Variants in PDE5A observed in about 807,000 individuals in gnomAD.
The protein encoded by PDE5A is phosphodiesterase 5A.
Under a neutral mutation model 110.2 loss-of-function variants are expected in PDE5A, and 67 were observed. The ratio of observed to expected loss-of-function variants is 0.61; its 90% CI spans 0.50 to 0.75. PDE5A has a LOEUF of 0.75. PDE5A is among the 30% of genes least tolerant of loss of function. The pLI is 0.00. For missense variants in PDE5A, 862 were observed against 1,045.1 expected, an observed-to-expected ratio of 0.82 and a Z score of 2.42; for synonymous variants, 328 against 351.2, an observed-to-expected ratio of 0.93 and a Z score of 0.74.
intron 9 of PDE5A, 89 bp from the exon 10 acceptor site, chr4:119,542,723 C>T (rs575236623): frequency 1.2e-5 from 15 of 1,207,090 alleles, no homozygotes; most frequent in East Asian, 2.4e-5. Flanking sequence ...GATTGTCTTA[C>T]ACTTTTCTCT....
chr4:119,509,098 A>G lies in PDE5A; in HGVS notation c.2089-1394T>C, dbSNP rs977175770. ...ACAGATGTTCCTACTATAACATGAC[A>G]TATACATTCCTGAGAAATTTCAGTT... On this transcript the variant is annotated intron_variant, in intron 15 of 20. Transcript: ENST00000354960. Among the ~76,000 whole-genome samples the G allele has an allele frequency of 2.6e-5, 4 of 152,104 alleles. 1 individual carries two copies. Among genetic ancestry groups the G allele is most frequent in the Admixed American group, 2.6e-4 (4 of 15,236 alleles).
intron 2 of PDE5A, among the ~76,000 whole-genome samples, chr4:119,597,304 GTT>G (rs33944872): frequency 8.0e-4 from 116 of 144,956 alleles, no homozygotes; most frequent in Non-Finnish European, 1.4e-3. Flanking sequence ...CTCTGTGAGG[GTT>G]TTTTTTTTTT....
At chr4:119,572,056 A>G (rs1560621604) in intron 3 of PDE5A, among the ~76,000 whole-genome samples, 2 of 152,308 alleles carry the variant, frequency 1.3e-5, no homozygotes, top group South Asian at 2.1e-4. Context: ...CTGTGTTCAC[A>G]TAATTCCTTG....
intron 13 of PDE5A, among the ~76,000 whole-genome samples, 171 bp downstream of exon 13, chr4:119,520,764 G>A (rs1418705199): frequency 3.3e-5 from 5 of 152,196 alleles, no homozygotes; most frequent in South Asian, 4.1e-4. Flanking sequence ...CAACGAAGTA[G>A]TTTTGCCAGA....
At chr4:119,533,611 AT>A (rs1726620062) in intron 11 of PDE5A, among the ~76,000 whole-genome samples, 1 of 152,066 alleles carries the variant, frequency 6.6e-6, no homozygotes, top group Non-Finnish European at 1.5e-5. Context: ...GGACTAGTAT[AT>A]TTTCTTTAAT....
In PDE5A at chr4:119,497,082, C is replaced by A. The variant is rs1725103757; in HGVS notation, c.*1519G>T. On this transcript the variant is annotated 3_prime_UTR_variant, in exon 21 of 21. Coordinates refer to ENST00000354960, the MANE Select transcript of PDE5A (RefSeq NM_001083.4). ...GGGGAATCGGGACATAGATGGAAAA[C>A]ACATTTTGGCGAAAGGTCCTTGAGA... The A allele has an allele frequency of 1.3e-5, 2 of 152,024 alleles. No homozygotes were observed. The highest frequency in any genetic ancestry group is 6.6e-5 in the Admixed American group (1 of 15,240). The allele number at this position is 152,024 out of a possible 1,614,324, so 9.4% of individuals were successfully genotyped here.
At chr4:119,604,244 T>C (rs1352771055) in intron 2 of PDE5A, among the ~76,000 whole-genome samples, 1 of 152,198 alleles carries the variant, frequency 6.6e-6, no homozygotes, top group Non-Finnish European at 1.5e-5. Context: ...ATTAAATCAT[T>C]ATCAAATGCA....
intron 3 of PDE5A, among the ~76,000 whole-genome samples, chr4:119,576,550 A>G (rs891925222): frequency 6.6e-6 from 1 of 152,234 alleles, no homozygotes; most frequent in African/African-American, 2.4e-5. Context: ...AAACCGCTCA[A>G]CTACATGGAA....
At chr4:119,624,461 T>C (rs978728170) in intron 1 of PDE5A, among the ~76,000 whole-genome samples, 1 of 152,178 alleles carries the variant, frequency 6.6e-6, no homozygotes, top group African/African-American at 2.4e-5. Context: ...CCTCAATTAA[T>C]TCAGCACAGC....
chr4:119,621,326 C>T (rs1190141105), intron 1 of PDE5A, among the ~76,000 whole-genome samples: 1 of 152,150 alleles, frequency 6.6e-6, no homozygotes, highest in African/African-American at 2.4e-5. Flanking sequence ...ACCCTACTCT[C>T]CCGAATACAA....
chr4:119,621,629 G>C (rs1328719276), intron 1 of PDE5A, among the ~76,000 whole-genome samples: 1 of 114,516 alleles, frequency 8.7e-6, no homozygotes, highest in Admixed American at 1.0e-4. Context: ...AATAGAGATA[G>C]GTAGATACAT....
intron 1 of PDE5A, among the ~76,000 whole-genome samples, chr4:119,620,319 G>A (rs1015461251): frequency 6.6e-6 from 1 of 152,154 alleles, no homozygotes; most frequent in African/African-American, 2.4e-5. Context: ...GTATTTCTAA[G>A]TTTGCTCCAG....
intron 11 of PDE5A, among the ~76,000 whole-genome samples, chr4:119,533,789 T>A (rs1268217474): frequency 6.6e-6 from 1 of 152,208 alleles, no homozygotes. Flanking sequence ...GATTCTGATA[T>A]AATATGCATA....
chr4:119,613,906 A>G (rs1194478463), intron 1 of PDE5A, among the ~76,000 whole-genome samples: 2 of 152,056 alleles, frequency 1.3e-5, no homozygotes, highest in South Asian at 2.1e-4. Context: ...TTCCTATTCC[A>G]GGTACTATAC....
intron 3 of PDE5A, among the ~76,000 whole-genome samples, chr4:119,575,974 A>G (rs1368386965): frequency 6.6e-6 from 1 of 152,238 alleles, no homozygotes. Context: ...TAGGCTCAAA[A>G]TAAAGGGACG....
intron 1 of PDE5A, chr4:119,628,090 C>T (rs1192253977): frequency 2.7e-5 from 26 of 963,276 alleles, no homozygotes; most frequent in Non-Finnish European, 3.1e-5. Context: ...CGAGGGGGGA[C>T]GGGGGAGGAG....
intron 9 of PDE5A, among the ~76,000 whole-genome samples, chr4:119,546,104 T>C (rs1416090584): frequency 1.3e-5 from 2 of 152,192 alleles, no homozygotes; most frequent in African/African-American, 2.4e-5. Context: ...TTTAATCTTA[T>C]AATCCCACTT....
At chr4:119,519,527 A>G (rs35111518) in intron 13 of PDE5A, 43,372 of 164,472 alleles carry the variant, frequency 0.26, 5,767 homozygotes, top group East Asian at 0.38. Flanking sequence ...TGTGTCCTTA[A>G]GGAATGCAGA....
intron 9 of PDE5A, among the ~76,000 whole-genome samples, chr4:119,547,110 T>G (rs200974711): frequency 0.26 from 38,393 of 147,310 alleles, 4,827 homozygotes; most frequent in East Asian, 0.37. Flanking sequence ...GCAATAGTTT[T>G]TTTTTTTTTT....
Sources: gnomAD v4.1 joint callset for allele counts (sites outside exome capture counted in the v4.1 genomes callset) on GRCh38, gnomAD v4.1.1 for gene constraint, MANE v1.5 for transcripts, NCBI Gene and HGNC (gene_info 2026-07-23, HGNC 2026-07-21) for gene names.